The following ADAMTSL3 variants were observed in gnomAD, a reference collection of about 807,000 sequenced individuals.
ADAMTSL3 encodes ADAMTS like 3.
Under a neutral mutation model 201.7 loss-of-function variants are expected in ADAMTSL3, and 128 were observed. The observed-to-expected ratio is 0.63, with a 90% confidence interval of 0.55 to 0.73. The LOEUF is 0.73. Among genes scored for constraint, ADAMTSL3 ranks in the 30% least tolerant of loss-of-function variants. ADAMTSL3 has a pLI of 0.00. For synonymous variants in ADAMTSL3, 738 were observed against 748.4 expected (o/e 0.99, Z 0.23); for missense variants, 1,990 against 2,119.6 (o/e 0.94, Z 1.20).
At chr15:83,875,468 G>A (rs1166413241) in intron 9 of ADAMTSL3, among the ~76,000 whole-genome samples, 5 of 152,204 alleles carry the variant, frequency 3.3e-5, no homozygotes, top group African/African-American at 1.2e-4. Flanking sequence ...CCACTAGCAA[G>A]GCAAATGTGA....
intron 3 of ADAMTSL3, among the ~76,000 whole-genome samples, chr15:83,753,656 C>T (rs1421560177): frequency 6.6e-6 from 1 of 151,716 alleles, no homozygotes; most frequent in African/African-American, 2.4e-5. Context: ...ACTTGAAAAA[C>T]TGTGCTTTTT....
At chr15:83,860,976 T>C (rs1481895902) in intron 8 of ADAMTSL3, among the ~76,000 whole-genome samples, 1 of 152,188 alleles carries the variant, frequency 6.6e-6, no homozygotes, top group Non-Finnish European at 1.5e-5. Flanking sequence ...CCTAATACTG[T>C]GCTTTTCCAA....
At chr15:83,820,185 A>G (rs1321722014) in intron 6 of ADAMTSL3, 138 bp downstream of exon 6, 65 of 673,448 alleles carry the variant, frequency 9.7e-5, no homozygotes, top group Non-Finnish European at 2.6e-6. Flanking sequence ...GCTTACACCT[A>G]TAATCCCAGT....
At chr15:83,911,756 G>GAAGGT (rs1348561115) in intron 15 of ADAMTSL3, among the ~76,000 whole-genome samples, 2 of 152,234 alleles carry the variant, frequency 1.3e-5, no homozygotes, top group Non-Finnish European at 2.9e-5. Flanking sequence ...CCTGGGGAAA[G>GAAGGT]AAGGTTGGAT....
chr15:83,769,198 C>A (rs1310950203), intron 3 of ADAMTSL3, among the ~76,000 whole-genome samples: 1 of 151,374 alleles, frequency 6.6e-6, no homozygotes, highest in Non-Finnish European at 1.5e-5. Flanking sequence ...CAAATTAAAA[C>A]AGTATTGCAA....
intron 3 of ADAMTSL3, among the ~76,000 whole-genome samples, chr15:83,707,008 A>C (rs1301975575): frequency 6.6e-6 from 1 of 152,100 alleles, no homozygotes; most frequent in Non-Finnish European, 1.5e-5. Flanking sequence ...CTTCTCAGGC[A>C]CTGGGGAAAG....
chr15:83,892,798 A>G lies in ADAMTSL3; in HGVS notation c.1377A>G (p.Glu459=), dbSNP rs2065536682. The part of the protein sequence containing the change: ...SMHGEILQVE[E]WKCMYAPKPK... ...ATGGAGAGATATTGCAGGTGGAAGAATGGAAGTGCATGTACGCACCCAAAC... is the reference window on the plus strand; with the variant it reads ...ATGGAGAGATATTGCAGGTGGAAGAGTGGAAGTGCATGTACGCACCCAAAC... The change falls in exon 13 of 30, where the codon GAA becomes GAG. Residue 459 remains glutamate, a synonymous_variant. Coordinates refer to ENST00000286744, the MANE Select transcript of ADAMTSL3 (RefSeq NM_207517.3). 1.9e-6 allele frequency: 3 copies of G among 1,614,152 alleles called. No individual in the cohort carries two copies. The highest frequency in any genetic ancestry group is 2.2e-5 in the South Asian group (2 of 91,074).
At chr15:83,657,146 A>G (rs1366269272) in intron 2 of ADAMTSL3, among the ~76,000 whole-genome samples, 1 of 152,234 alleles carries the variant, frequency 6.6e-6, no homozygotes, top group Non-Finnish European at 1.5e-5. Flanking sequence ...CTGTCTCATC[A>G]GCGGATCTGA....
chr15:83,838,298 G>A (rs2064315428), intron 7 of ADAMTSL3, 83 bp downstream of exon 7: 9 of 1,503,220 alleles, frequency 6.0e-6, no homozygotes, highest in Non-Finnish European at 8.0e-6. Context: ...TTTTCTGAAT[G>A]TTAAGCTTTT....
intron 13 of ADAMTSL3, among the ~76,000 whole-genome samples, chr15:83,895,602 T>C (rs946734264): frequency 3.3e-5 from 5 of 152,220 alleles, no homozygotes; most frequent in Admixed American, 1.3e-4. Context: ...TCTGGAACCG[T>C]TGTAAACAGT....
intron 5 of ADAMTSL3, among the ~76,000 whole-genome samples, chr15:83,807,507 G>A (rs2063619293): frequency 6.6e-6 from 1 of 152,038 alleles, no homozygotes; most frequent in South Asian, 2.1e-4. Flanking sequence ...AAAAAGAGGT[G>A]TTCATGGATT....
intron 27 of ADAMTSL3, among the ~76,000 whole-genome samples, chr15:84,029,141 C>T (rs142736987): frequency 1.9e-4 from 29 of 152,220 alleles, no homozygotes; most frequent in African/African-American, 7.0e-4. Context: ...TATAAAGATA[C>T]CCAAAAATGT....
chr15:83,934,448 C>A (rs926292614), intron 17 of ADAMTSL3, among the ~76,000 whole-genome samples: 6 of 152,176 alleles, frequency 3.9e-5, no homozygotes, highest in African/African-American at 9.6e-5. Flanking sequence ...TTTCATTTTA[C>A]AGGCTTATAG....
chr15:83,728,275 C>T (rs780623942), intron 3 of ADAMTSL3, among the ~76,000 whole-genome samples: 2 of 151,518 alleles, frequency 1.3e-5, no homozygotes, highest in Non-Finnish European at 2.9e-5. Context: ...TTTTTGTAGG[C>T]AACACATCAT....
intron 3 of ADAMTSL3, among the ~76,000 whole-genome samples, chr15:83,711,051 G>A (rs2061926971): frequency 1.3e-5 from 2 of 152,156 alleles, no homozygotes; most frequent in African/African-American, 2.4e-5. Context: ...TGAAGTCTGT[G>A]TAGTCTTATT....
chr15:83,927,911 TA>T (rs991775656), intron 17 of ADAMTSL3, among the ~76,000 whole-genome samples: 4 of 150,514 alleles, frequency 2.7e-5, no homozygotes, highest in African/African-American at 7.3e-5. Context: ...GAAAGATGAC[TA>T]AAAAAAAATG....
In ADAMTSL3 at chr15:84,012,121, C is replaced by T. The variant is rs116291743; in HGVS notation, c.3974-2421C>T. Reference sequence around the variant, plus strand: ...ATAACAATATTTAAAACAAATCTCTCGGTGTATTGGTTTTCTATTGCTGCT... The same window carrying T: ...ATAACAATATTTAAAACAAATCTCTTGGTGTATTGGTTTTCTATTGCTGCT... On this transcript the variant is annotated intron_variant, in intron 23 of 29. Coordinates refer to ENST00000286744, the MANE Select transcript of ADAMTSL3 (RefSeq NM_207517.3). Among the ~76,000 whole-genome samples, 242 of 152,184 alleles carry T rather than the reference C, an allele frequency of 1.6e-3. 1 individual carries two copies. Among genetic ancestry groups the T allele is most frequent in the African/African-American group, 5.5e-3 (230 of 41,536 alleles).
intron 23 of ADAMTSL3, among the ~76,000 whole-genome samples, chr15:84,004,321 G>T (rs1409603973): frequency 6.6e-6 from 1 of 152,164 alleles, no homozygotes; most frequent in Non-Finnish European, 1.5e-5. Context: ...TGAGAACCAA[G>T]GATTTTTAAA....
intron 6 of ADAMTSL3, among the ~76,000 whole-genome samples, chr15:83,831,624 G>C (rs914520039): frequency 6.6e-6 from 1 of 152,128 alleles, no homozygotes; most frequent in Non-Finnish European, 1.5e-5. Flanking sequence ...GACCTCCTGG[G>C]CTCAAGTGAT....
Sources: allele counts gnomAD v4.1 joint callset (sites outside exome capture counted in the v4.1 genomes callset), GRCh38; gene constraint gnomAD v4.1.1; transcripts MANE v1.5; gene names NCBI Gene and HGNC (gene_info 2026-07-23, HGNC 2026-07-21).